The following TTC7B variants were observed in gnomAD, a reference collection of about 807,000 sequenced individuals.
TTC7B encodes the protein tetratricopeptide repeat protein 7B.
TTC7B carries 28 observed loss-of-function variants against 106.8 expected under a neutral mutation model. The observed-to-expected ratio is 0.26, with a 90% CI of 0.19 to 0.36. The LOEUF is 0.36. TTC7B is among the 10% of genes least tolerant of loss of function. The pLI is 1.00. For missense variants in TTC7B, 862 were observed against 1,076.4 expected, an observed-to-expected ratio of 0.80 and a Z score of 2.79; for synonymous variants, 405 against 430.6, an observed-to-expected ratio of 0.94 and a Z score of 0.74.
chr14:90,630,069 C>G (rs1253518830), intron 15 of TTC7B, among the ~76,000 whole-genome samples: 1 of 152,220 alleles, frequency 6.6e-6, no homozygotes, highest in African/African-American at 2.4e-5. Context: ...CTGTCTCCAA[C>G]CCCGGAGAAA....
intron 3 of TTC7B, chr14:90,767,041 A>AAG: frequency 1.2e-6 from 1 of 830,778 alleles, no homozygotes. Context: ...AAAAAAAAAA[A>AAG]AAAAGAAAGA....
rs116451464 is a variant in TTC7B, at chr14:90,643,061, A to G, written c.1751+987T>C. 4.6e-3 allele frequency among the ~76,000 whole-genome samples: 708 copies of G among 152,318 alleles called. 4 individuals carry two copies. Among genetic ancestry groups the G allele is most frequent in the African/African-American group, 0.017 (690 of 41,572 alleles). On this transcript the variant is annotated intron_variant, in intron 15 of 19. Transcript: ENST00000328459. Reference sequence around the variant, plus strand: ...TAAATTGACTTGGAAAATTCTTAATAGCCCCCTGAGCAATAATTTTCATCA... The same window carrying G: ...TAAATTGACTTGGAAAATTCTTAATGGCCCCCTGAGCAATAATTTTCATCA...
At chr14:90,571,259 A>C (rs1891022910) in intron 19 of TTC7B, among the ~76,000 whole-genome samples, 1 of 152,244 alleles carries the variant, frequency 6.6e-6, no homozygotes, top group African/African-American at 2.4e-5. Flanking sequence ...AGAAGCTAAA[A>C]CTATCAAGCA....
chr14:90,605,877 T>C (rs1892618924), intron 17 of TTC7B: 2 of 680,394 alleles, frequency 2.9e-6, no homozygotes, highest in Middle Eastern at 6.3e-4. Flanking sequence ...TGAGGTCATG[T>C]AATACACAAT....
chr14:90,706,161 AT>A (rs59137630), intron 5 of TTC7B, among the ~76,000 whole-genome samples: 44,364 of 127,126 alleles, frequency 0.35, 5,720 homozygotes, highest in South Asian at 0.38. Flanking sequence ...AGCTGGAATA[AT>A]TTTTTTTTTT....
At position 90,744,881 on chromosome 14, in the gene TTC7B, TA is replaced by T; in HGVS notation, c.486del (p.Ser162ArgfsTer29). On this transcript the variant is annotated frameshift_variant, in exon 4 of 20. Coordinates refer to ENST00000328459, the MANE Select transcript of TTC7B (RefSeq NM_001010854.2). LOFTEE classifies it high-confidence loss of function. The part of the protein sequence containing the change: ...LEKLPISSST[S>X]NLHVDREQDV... ...TCCTGTTCCCGGTCCACATGGAGAT[TA>T]CTGGTAGAAGAAGAAATAGGCAGCT... The T allele has an allele frequency of 6.2e-7, 1 of 1,614,100 alleles. No homozygotes were observed. The highest frequency in any genetic ancestry group is 8.5e-7 in the Non-Finnish European group (1 of 1,180,012).
rs1482408546 is a variant in TTC7B at position 90,663,548 on chromosome 14, G to A, written c.1153-5161C>T. On this transcript the variant is annotated intron_variant, in intron 9 of 19. Coordinates refer to ENST00000328459, the MANE Select transcript of TTC7B (RefSeq NM_001010854.2). This position sits in a 1 kb window ranked among gnomAD's most constrained non-coding sequence, Gnocchi z 4.5. The stretch of plus-strand genomic sequence containing the variant: ...TGTCAATCAACTTTACTGATCCCAC[G>A]ATATCCACCAGCACCACGGCAGCCA... Among the ~76,000 whole-genome samples, 2 of 151,980 alleles carry A rather than the reference G, an allele frequency of 1.3e-5. No homozygotes were observed. The highest frequency in any genetic ancestry group is 2.4e-5 in the African/African-American group (1 of 41,376).
chr14:90,596,759 C>A (rs867455556), intron 17 of TTC7B, among the ~76,000 whole-genome samples: 1 of 152,234 alleles, frequency 6.6e-6, no homozygotes, highest in East Asian at 1.9e-4. Flanking sequence ...AAGATGCGAA[C>A]TACGTCCTCA....
intron 7 of TTC7B, among the ~76,000 whole-genome samples, chr14:90,687,483 C>T (rs1887291081): frequency 6.6e-6 from 1 of 152,170 alleles, no homozygotes; most frequent in Admixed American, 6.5e-5. Flanking sequence ...CAAAGAGACA[C>T]AGAGCTCTGG....
At chr14:90,669,391 C>A (rs990108589) in intron 9 of TTC7B, among the ~76,000 whole-genome samples, 10 of 152,070 alleles carry the variant, frequency 6.6e-5, no homozygotes. Context: ...AACTTTTGCA[C>A]ATCAAAAGAC....
intron 7 of TTC7B, among the ~76,000 whole-genome samples, chr14:90,683,971 C>A (rs1263291878): frequency 6.6e-6 from 1 of 152,088 alleles, no homozygotes; most frequent in East Asian, 1.9e-4. Context: ...CACGGAAGGG[C>A]CTGGCCAGTG....
chr14:90,584,358 T>G (rs533696222), intron 18 of TTC7B, among the ~76,000 whole-genome samples: 21 of 152,322 alleles, frequency 1.4e-4, no homozygotes, highest in African/African-American at 5.0e-4. Flanking sequence ...AAGCCCCTGC[T>G]TCATGTCAGC....
At chr14:90,776,774 C>T (rs577244610) in intron 3 of TTC7B, among the ~76,000 whole-genome samples, 10 of 152,288 alleles carry the variant, frequency 6.6e-5, no homozygotes, top group Non-Finnish European at 1.5e-4. Context: ...CATTCTGCCA[C>T]TCAGAGGAGA....
At chr14:90,645,118 G>A (rs1306757892) in intron 14 of TTC7B, 1 of 152,216 alleles carries the variant, frequency 6.6e-6, no homozygotes, top group Admixed American at 6.5e-5. Context: ...TCCCACAGAT[G>A]GCTTCCGGTC....
chr14:90,740,195 G>A (rs972228323), intron 4 of TTC7B, among the ~76,000 whole-genome samples: 19 of 152,102 alleles, frequency 1.2e-4, no homozygotes, highest in African/African-American at 4.6e-4. Context: ...CCCGCCTCTG[G>A]GTCTGGAACT....
At chr14:90,622,509 G>A (rs1320335815) in intron 15 of TTC7B, among the ~76,000 whole-genome samples, 1 of 151,458 alleles carries the variant, frequency 6.6e-6, no homozygotes, top group African/African-American at 2.4e-5. Context: ...TGGGTAGATC[G>A]CTTGAGCTCA....
chr14:90,805,601 G>A lies in TTC7B; in HGVS notation c.121+10574C>T, dbSNP rs777203225. On this transcript the variant is annotated intron_variant, in intron 1 of 19. Coordinates refer to ENST00000328459, the MANE Select transcript of TTC7B (RefSeq NM_001010854.2). This position sits in a 1 kb window ranked among gnomAD's most constrained non-coding sequence, Gnocchi z 4.0. ...CTCTATCTGCAAGGTTGGAACAGGG[G>A]TAAGGAGGGATTCAAGGGTACCCAG... Among the ~76,000 whole-genome samples, 1 of 152,164 alleles carries A rather than the reference G, an allele frequency of 6.6e-6. No individual in the cohort carries two copies. Among genetic ancestry groups the A allele is most frequent in the Non-Finnish European group, 1.5e-5 (1 of 68,034 alleles).
At position 90,739,295 on chromosome 14, in the gene TTC7B, C is replaced by A. The variant is rs4900059; in HGVS notation, c.576+5497G>T. On this transcript the variant is annotated intron_variant, in intron 4 of 19. Coordinates refer to ENST00000328459, the MANE Select transcript of TTC7B (RefSeq NM_001010854.2). ...CCTGAGTGAAAAGGTAGGCCTGAAA[C>A]GGGAAGGAAAGGAGGAATTGGCCTT... Among the ~76,000 whole-genome samples, 3 of 152,236 alleles carry A rather than the reference C, an allele frequency of 2.0e-5. No homozygotes were observed. In the South Asian group the frequency reaches 6.2e-4, roughly 32 times the overall value.
At chr14:90,629,867 C>T (rs1339645987) in intron 15 of TTC7B, among the ~76,000 whole-genome samples, 2 of 152,162 alleles carry the variant, frequency 1.3e-5, no homozygotes, top group Admixed American at 1.3e-4. Context: ...GACAGGGAGG[C>T]TGGGATGCCC....
Sources: gnomAD v4.1 joint callset for allele counts (sites outside exome capture counted in the v4.1 genomes callset) on GRCh38, gnomAD v4.1.1 for gene constraint, Gnocchi (gnomAD v3.1) non-coding constraint, MANE v1.5 for transcripts, NCBI Gene and HGNC (gene_info 2026-07-23, HGNC 2026-07-21) for gene names.